Variants in MDGA2 observed in about 807,000 individuals in gnomAD.
The protein encoded by MDGA2 is MAM domain containing glycosylphosphatidylinositol anchor 2.
A neutral mutation model predicts 117.8 loss-of-function variants in MDGA2; 40 were observed. That is an observed-to-expected ratio of 0.34 (90% CI 0.26 to 0.44). The LOEUF (loss-of-function observed/expected upper bound fraction) is 0.44. MDGA2 is among the 20% of genes least tolerant of loss of function. The probability of loss-of-function intolerance (pLI) is 1.00; values close to 1 mark genes in which losing one functional copy is unlikely to be tolerated. For missense variants in MDGA2, 1,123 were observed against 1,250.6 expected (o/e 0.90, Z 1.54); for synonymous variants, 452 against 439.0 (o/e 1.03, Z -0.37).
At chr14:47,565,080 C>A (rs1448493632) in intron 1 of MDGA2, among the ~76,000 whole-genome samples, 1 of 151,952 alleles carries the variant, frequency 6.6e-6, no homozygotes, top group Non-Finnish European at 1.5e-5. Flanking sequence ...ATTATCTTTG[C>A]TCCTATCTGT....
intron 1 of MDGA2, among the ~76,000 whole-genome samples, chr14:47,371,513 C>T (rs1443231631): frequency 6.6e-6 from 1 of 151,580 alleles, no homozygotes; most frequent in Non-Finnish European, 1.5e-5. Context: ...TTTTTATATT[C>T]TGAATAAGAG....
intron 3 of MDGA2, among the ~76,000 whole-genome samples, chr14:47,187,668 T>C (rs1419498731): frequency 3.9e-5 from 6 of 152,068 alleles, no homozygotes; most frequent in Non-Finnish European, 7.4e-5. Context: ...AAGTTTTGGA[T>C]TTTTTGGCTG....
intron 14 of MDGA2, among the ~76,000 whole-genome samples, chr14:46,859,032 T>C (rs141531634): frequency 5.9e-5 from 9 of 152,288 alleles, no homozygotes; most frequent in African/African-American, 2.2e-4. Flanking sequence ...AAAGCCAAAA[T>C]TGTTGCCCTA....
At chr14:46,866,483 A>G (rs1358635101) in intron 14 of MDGA2, among the ~76,000 whole-genome samples, 1 of 152,186 alleles carries the variant, frequency 6.6e-6, no homozygotes, top group East Asian at 1.9e-4. Flanking sequence ...TAGGCTGGGC[A>G]AGGACTTCAT....
rs977475715 is a variant in MDGA2 at position 47,102,410 on chromosome 14, C to A, written c.926-5287G>T. ...ACACACACAAACACACACACACACA[C>A]ACAAACTAACTAAATAAATAATAAA... On this transcript the variant is annotated intron_variant, in intron 5 of 16. Coordinates refer to ENST00000399232, the MANE Select transcript of MDGA2 (RefSeq NM_001113498.3). Among the ~76,000 whole-genome samples the A allele has an allele frequency of 6.3e-4, 94 of 150,230 alleles. 2 individuals are homozygous for A. The highest frequency in any genetic ancestry group is 2.2e-3 in the African/African-American group (91 of 40,560).
At chr14:46,916,110 A>G (rs1475193486) in intron 10 of MDGA2, among the ~76,000 whole-genome samples, 2 of 152,146 alleles carry the variant, frequency 1.3e-5, no homozygotes, top group African/African-American at 4.8e-5. Flanking sequence ...GCCCACATGT[A>G]ACACTCCCCA....
rs182962493 is a variant in MDGA2, at chr14:47,074,458, G to A, written c.1196-12880C>T. ...GGACTATACAGGCACCCGCCACCAC[G>A]CCCGGCTAATTTTTTCTATTTTTAG... On this transcript the variant is annotated intron_variant, in intron 6 of 16. Coordinates refer to ENST00000399232, the MANE Select transcript of MDGA2 (RefSeq NM_001113498.3). 1.3e-4 allele frequency among the ~76,000 whole-genome samples: 20 copies of A among 152,086 alleles called. No individual in the cohort carries two copies. In the East Asian group the frequency reaches 3.5e-3, roughly 27 times the overall value.
intron 1 of MDGA2, among the ~76,000 whole-genome samples, chr14:47,380,884 C>A (rs944519199): frequency 6.6e-6 from 1 of 152,054 alleles, no homozygotes; most frequent in African/African-American, 2.4e-5. Flanking sequence ...ATCCTGATAC[C>A]AAAGCCTGGC....
At chr14:47,103,896 G>C (rs1197779000) in intron 5 of MDGA2, among the ~76,000 whole-genome samples, 1 of 152,108 alleles carries the variant, frequency 6.6e-6, no homozygotes, top group Non-Finnish European at 1.5e-5. Flanking sequence ...GCATCTACTA[G>C]ATATCAGGCC....
intron 2 of MDGA2, among the ~76,000 whole-genome samples, chr14:47,240,944 G>A (rs1030596538): frequency 6.6e-6 from 1 of 151,770 alleles, no homozygotes; most frequent in African/African-American, 2.4e-5. Flanking sequence ...ATTTGGAAAT[G>A]TTATGCATAC....
intron 14 of MDGA2, among the ~76,000 whole-genome samples, chr14:46,861,890 T>C (rs905909098): frequency 6.6e-6 from 1 of 151,916 alleles, no homozygotes; most frequent in African/African-American, 2.4e-5. Flanking sequence ...GTCATCTTGG[T>C]CAACAAAATT....
intron 2 of MDGA2, among the ~76,000 whole-genome samples, chr14:47,226,399 AACAC>A (rs1345378408): frequency 2.0e-5 from 3 of 152,106 alleles, no homozygotes; most frequent in African/African-American, 7.2e-5. Context: ...AATATTTCTG[AACAC>A]TAGATGGGCC....
At chr14:46,956,071 A>G (rs1885552480) in intron 9 of MDGA2, among the ~76,000 whole-genome samples, 1 of 152,132 alleles carries the variant, frequency 6.6e-6, no homozygotes, top group Admixed American at 6.6e-5. Flanking sequence ...CTAATATTAC[A>G]TTTCAGAAAG....
rs961576485 is a variant in MDGA2, at chr14:47,342,094, G to A, written c.281-40544C>T. 1.3e-4 allele frequency among the ~76,000 whole-genome samples: 20 copies of A among 151,698 alleles called. No individual in the cohort carries two copies. The East Asian group carries it at 3.7e-3, about 28-fold the overall frequency. On this transcript the variant is annotated intron_variant, in intron 1 of 16. Transcript: ENST00000399232. ...TCAAACTCCTGACCTCAAGGGATCC[G>A]CCTGCCTCATCCTCCCAAAGTGTTG...
At chr14:46,936,525 G>A (rs1884787477) in intron 9 of MDGA2, among the ~76,000 whole-genome samples, 1 of 151,788 alleles carries the variant, frequency 6.6e-6, no homozygotes, top group Non-Finnish European at 1.5e-5. Flanking sequence ...CCAAACAAGG[G>A]AAAAATCTCA....
At chr14:47,209,051 C>CT (rs138821957) in intron 3 of MDGA2, among the ~76,000 whole-genome samples, 9,645 of 150,944 alleles carry the variant, frequency 0.064, 359 homozygotes, top group Non-Finnish European at 0.065. Flanking sequence ...TGATTATATC[C>CT]TTTTTTTTTA....
chr14:47,240,045 A>C (rs1213775832), intron 2 of MDGA2, among the ~76,000 whole-genome samples: 3 of 151,538 alleles, frequency 2.0e-5, no homozygotes, highest in Admixed American at 6.6e-5. Context: ...GGTTAGAAAC[A>C]GTTTTTGCTG....
chr14:46,936,762 A>C (rs117575947), intron 9 of MDGA2, among the ~76,000 whole-genome samples: 2 of 152,230 alleles, frequency 1.3e-5, no homozygotes, highest in East Asian at 3.9e-4. Flanking sequence ...TCAATAAATT[A>C]GGTATAGAAG....
At chr14:47,004,663 T>C (rs12433465) in intron 8 of MDGA2, among the ~76,000 whole-genome samples, 37,861 of 151,620 alleles carry the variant, frequency 0.25, 4,923 homozygotes, top group Middle Eastern at 0.34. Flanking sequence ...ATAGATTCAA[T>C]TGAGGAGTAT....
Sources: gnomAD v4.1 joint callset for allele counts (sites outside exome capture counted in the v4.1 genomes callset) on GRCh38, gnomAD v4.1.1 for gene constraint, MANE v1.5 for transcripts, NCBI Gene and HGNC (gene_info 2026-07-23, HGNC 2026-07-21) for gene names.